The following BTBD7 variants were observed in gnomAD, a reference collection of about 807,000 sequenced individuals.
The protein encoded by BTBD7 is BTB domain containing 7, also known as BTB/POZ domain-containing protein 7.
Under a neutral mutation model 99.9 loss-of-function variants are expected in BTBD7, and 38 were observed. The ratio of observed to expected loss-of-function variants is 0.38; its 90% CI spans 0.29 to 0.50. BTBD7 has a LOEUF of 0.50. Among genes scored for constraint, BTBD7 ranks in the 20% least tolerant of loss-of-function variants. The pLI, the probability that BTBD7 is intolerant of heterozygous loss-of-function variation, is 0.93. For synonymous variants in BTBD7, 520 were observed against 511.4 expected, an observed-to-expected ratio of 1.02 and a Z score of -0.23; for missense variants, 1,170 against 1,394.6, an observed-to-expected ratio of 0.84 and a Z score of 2.57.
intron 3 of BTBD7, among the ~76,000 whole-genome samples, chr14:93,271,882 T>C (rs1453026167): frequency 6.6e-6 from 1 of 152,086 alleles, no homozygotes; most frequent in Non-Finnish European, 1.5e-5. Flanking sequence ...GGTGCATGCC[T>C]GTAGTCCCAA....
Position 93,246,141 on chromosome 14 carries a change from G to A in BTBD7, c.2267C>T (p.Pro756Leu). 2 of 1,613,996 alleles carry A rather than the reference G, an allele frequency of 1.2e-6. No homozygotes were observed. The highest frequency in any genetic ancestry group is 1.7e-6 in the Non-Finnish European group (2 of 1,179,964). The change falls in exon 10 of 11, where the codon CCA becomes CTA. Residue 756 changes from proline (P) to leucine (L), a missense_variant. By Grantham distance (98) the Pro-to-Leu change is moderately conservative. This residue lies in a region of BTBD7 where 495 missense variants were observed against 525.9 expected (regional missense o/e 0.94). Coordinates refer to ENST00000334746, the MANE Select transcript of BTBD7 (RefSeq NM_001002860.4). ...GGGAGGTGGTGGAGGGGGCAAGGGT[G>A]GATGGAAGGCCACAAAAGAGTCCAG... Reference protein sequence around the residue: ...TDLDSFVAFHPPLPPPPPPYH... With the variant: ...TDLDSFVAFHLPLPPPPPPYH...
At chr14:93,325,061 G>A (rs1256325865) in intron 1 of BTBD7, among the ~76,000 whole-genome samples, 1 of 151,390 alleles carries the variant, frequency 6.6e-6, no homozygotes, top group Non-Finnish European at 1.5e-5. Context: ...TTATCGACAA[G>A]GGAAGTTAAC....
At chr14:93,281,028 G>A (rs1185152029) in intron 3 of BTBD7, among the ~76,000 whole-genome samples, 1 of 151,714 alleles carries the variant, frequency 6.6e-6, no homozygotes, top group Non-Finnish European at 1.5e-5. Flanking sequence ...TTTGAGACAG[G>A]GTCTTACTCT....
intron 9 of BTBD7, among the ~76,000 whole-genome samples, chr14:93,247,115 C>A (rs932475204): frequency 1.3e-5 from 2 of 151,842 alleles, no homozygotes; most frequent in African/African-American, 4.8e-5. Context: ...CAGCCCTGAC[C>A]TTCTGGGCTC....
Position 93,300,611 on chromosome 14 carries a change from C to T in BTBD7, c.-106-4454G>A, listed in dbSNP as rs984168027. 1.4e-4 allele frequency among the ~76,000 whole-genome samples: 21 copies of T among 151,586 alleles called. 1 individual carries two copies. The highest frequency in any genetic ancestry group is 2.9e-5 in the Non-Finnish European group (2 of 67,882). On this transcript the variant is annotated intron_variant, in intron 1 of 10. Transcript: ENST00000334746. ...TGCCCAGCTAGACGTGCATGGCTCA[C>T]TGCAACCTCCACCTCCCAGGCTCAA... is the stretch of plus-strand genomic sequence containing the variant.
At chr14:93,302,760 G>A (rs900354006) in intron 1 of BTBD7, among the ~76,000 whole-genome samples, 3 of 152,208 alleles carry the variant, frequency 2.0e-5, no homozygotes, top group African/African-American at 7.2e-5. Context: ...CAGAAGAATC[G>A]CTTGAACCCA....
At chr14:93,318,617 AAG>A (rs2053235270) in intron 1 of BTBD7, among the ~76,000 whole-genome samples, 1 of 152,202 alleles carries the variant, frequency 6.6e-6, no homozygotes, top group Non-Finnish European at 1.5e-5. Flanking sequence ...CTGGAAAAGA[AAG>A]AGAACTGAGT....
chr14:93,241,209 T>A lies in BTBD7; in HGVS notation c.*1064A>T, dbSNP rs1214281817. The A allele has an allele frequency of 6.6e-6, 1 of 151,152 alleles. No individual in the cohort carries two copies. The highest frequency in any genetic ancestry group is 2.4e-5 in the African/African-American group (1 of 40,924). The allele number at this position is 151,152 out of a possible 1,614,324, so 9.4% of individuals were successfully genotyped here. ...CCCAGGTGGGAGCACAGTGGTGCAA[T>A]CTTGGCTCACTGCAGTCTCAACCTC... On this transcript the variant is annotated 3_prime_UTR_variant, in exon 11 of 11. Transcript: ENST00000334746.
At position 93,316,341 on chromosome 14, in the gene BTBD7, G is replaced by A. The variant is rs1437462588; in HGVS notation, c.-107+16479C>T. Reference sequence around the variant, plus strand: ...TGTGGTGGCACAATCATAGCTCACTGTAGCTTCAAACTCCTGGGCTCAAGT... The same window carrying A: ...TGTGGTGGCACAATCATAGCTCACTATAGCTTCAAACTCCTGGGCTCAAGT... On this transcript the variant is annotated intron_variant, in intron 1 of 10. Transcript: ENST00000334746. 5.3e-5 allele frequency among the ~76,000 whole-genome samples: 8 copies of A among 151,624 alleles called. 1 individual carries two copies. Among genetic ancestry groups the A allele is most frequent in the Admixed American group, 4.6e-4 (7 of 15,234 alleles).
chr14:93,294,639 T>C lies in BTBD7; in HGVS notation c.381A>G (p.Thr127=). The C allele has an allele frequency of 3.7e-6, 6 of 1,614,154 alleles. No individual in the cohort carries two copies. The highest frequency in any genetic ancestry group is 2.2e-5 in the East Asian group (1 of 44,884). ...QASLARPEAR[T]LQKDMADLYE... ...AAAGATCAGCCATATCTTTCTGCAATGTCCGGGCTTCTGGTCTAGCCAAAC... is the reference window on the plus strand; with the variant it reads ...AAAGATCAGCCATATCTTTCTGCAACGTCCGGGCTTCTGGTCTAGCCAAAC... Residue 127 remains threonine (T), a synonymous_variant, in exon 3 of 11, where the codon ACA becomes ACG. Transcript: ENST00000334746.
At chr14:93,329,314 A>G (rs2053370938) in intron 1 of BTBD7, among the ~76,000 whole-genome samples, 1 of 152,198 alleles carries the variant, frequency 6.6e-6, no homozygotes, top group African/African-American at 2.4e-5. Context: ...CAAAAACACA[A>G]TGAAATATCA....
chr14:93,324,760 G>A (rs1388247137), intron 1 of BTBD7, among the ~76,000 whole-genome samples: 2 of 152,160 alleles, frequency 1.3e-5, no homozygotes, highest in Non-Finnish European at 2.9e-5. Flanking sequence ...GAGTTTACAG[G>A]GAAATGCCAT....
chr14:93,290,529 T>G (rs1017232620), intron 3 of BTBD7, among the ~76,000 whole-genome samples: 1 of 148,232 alleles, frequency 6.7e-6, no homozygotes, highest in Non-Finnish European at 1.5e-5. Context: ...TTTTTTTTTT[T>G]TTTTTTAAGA....
intron 3 of BTBD7, among the ~76,000 whole-genome samples, chr14:93,268,428 A>G (rs2052565095): frequency 6.6e-6 from 1 of 152,208 alleles, no homozygotes; most frequent in Non-Finnish European, 1.5e-5. Context: ...ATCTGATTCT[A>G]TAGTGTCTGG....
At position 93,251,510 on chromosome 14, in the gene BTBD7, C is replaced by T; in HGVS notation, c.1895G>A (p.Ser632Asn). ...TGAAGGAGGGCTTGACTGGTTGCTG[C>T]TGATCTGCTGGTGGCTGATCATGTG... ...CCHMISHQQISSNQSSPPSVV... is the reference protein window; with the variant it reads ...CCHMISHQQINSNQSSPPSVV... Residue 632 changes from serine to asparagine, a missense_variant, in exon 8 of 11, where the codon AGC becomes AAC. By Grantham distance (46) the Ser-to-Asn change is conservative (BLOSUM62 1). Around this residue, in one of 4 missense-constraint regions of BTBD7, gnomAD observed 309 missense variants for 342.0 expected, o/e 0.90. Transcript: ENST00000334746. 1.9e-6 allele frequency: 3 copies of T among 1,613,024 alleles called. No homozygotes were observed. Among genetic ancestry groups the T allele is most frequent in the Non-Finnish European group, 8.5e-7 (1 of 1,179,156 alleles).
At chr14:93,264,353 G>C (rs774971816) in intron 3 of BTBD7, among the ~76,000 whole-genome samples, 12 of 152,214 alleles carry the variant, frequency 7.9e-5, no homozygotes, top group Non-Finnish European at 1.6e-4. Context: ...AAACTGGCTA[G>C]AGGAAGGAAG....
At chr14:93,332,755 A>G in intron 1 of BTBD7, 65 bp downstream of exon 1, 1 of 1,434,338 alleles carries the variant, frequency 7.0e-7, no homozygotes, top group Non-Finnish European at 9.1e-7. Context: ...CCTCTCCCGG[A>G]CGCCCCGCGC....
Position 93,240,953 on chromosome 14 carries a change from C to G in BTBD7, c.*1320G>C, listed in dbSNP as rs576163016. On this transcript the variant is annotated 3_prime_UTR_variant, in exon 11 of 11. Coordinates refer to ENST00000334746, the MANE Select transcript of BTBD7 (RefSeq NM_001002860.4). ...CAAAATTTAGACATATTTTGAAAAT[C>G]GTTTAAAAGAAAACGTATCTTTACA... The G allele has an allele frequency of 1.3e-5, 2 of 152,652 alleles. No individual in the cohort carries two copies. Among genetic ancestry groups the G allele is most frequent in the East Asian group, 1.9e-4 (1 of 5,188 alleles). 9.5% of individuals were successfully genotyped at this position (152,652 alleles called of 1,614,324 possible).
At chr14:93,264,144 G>A in intron 3 of BTBD7, 151 bp from the exon 4 acceptor site, 2 of 695,556 alleles carry the variant, frequency 2.9e-6, no homozygotes, top group Non-Finnish European at 4.8e-6. Flanking sequence ...GACTTGGTGG[G>A]ATGGGTAAAC....
Sources: gnomAD v4.1 joint callset for allele counts (sites outside exome capture counted in the v4.1 genomes callset) on GRCh38, gnomAD v4.1.1 for gene constraint, gnomAD v4.1.1 regional missense constraint, MANE v1.5 for transcripts, NCBI Gene and HGNC (gene_info 2026-07-23, HGNC 2026-07-21) for gene names.